Variants in C8orf74 observed in about 807,000 individuals in gnomAD.
C8orf74 encodes the protein uncharacterized protein C8orf74.
In C8orf74, 29 loss-of-function variants were observed where a neutral mutation model predicts 22.2. The observed-to-expected ratio is 1.31, with a 90% confidence interval of 0.97 to 1.78. The LOEUF (loss-of-function observed/expected upper bound fraction) is 1.78, where lower values mean the gene tolerates loss of function less well. Among genes scored for constraint, C8orf74 ranks in the 40% most tolerant of loss-of-function variants. The pLI is 0.00. For synonymous variants in C8orf74, 255 were observed against 163.1 expected (o/e 1.56, Z -4.30); for missense variants, 515 against 369.9 (o/e 1.39, Z -3.22).
chr8:10,687,701 T>G (rs2129057642), intron 2 of C8orf74, among the ~76,000 whole-genome samples: 1 of 152,322 alleles, frequency 6.6e-6, no homozygotes, highest in East Asian at 1.9e-4. Flanking sequence ...AACACTATTT[T>G]TAAATATGTT....
chr8:10,699,102 G>A (rs1799596819), intron 3 of C8orf74, among the ~76,000 whole-genome samples: 1 of 152,170 alleles, frequency 6.6e-6, no homozygotes, highest in African/African-American at 2.4e-5. Context: ...CTATGTCTCT[G>A]GCCCCCTGCA....
chr8:10,697,329 G>T (rs1385617170), intron 2 of C8orf74, among the ~76,000 whole-genome samples: 1 of 152,204 alleles, frequency 6.6e-6, no homozygotes, highest in African/African-American at 2.4e-5. Flanking sequence ...CAGCTACACA[G>T]GAGGCTGAGG....
rs535256632 is a variant in C8orf74, at chr8:10,700,282, C to G, written c.696C>G (p.Leu232=). 3.3e-5 allele frequency: 54 copies of G among 1,613,344 alleles called. No homozygotes were observed. The South Asian group carries it at 4.4e-4, about 13-fold the overall frequency. Residue 232 remains leucine, a synonymous_variant, in exon 4 of 4, where the codon CTC becomes CTG. Transcript: ENST00000304519. ...AGGCAGTCCACACCCAGATGGAGCTCCTGCAGGAGCTGCTGCAGCGCCAGA... is the reference window on the plus strand; with the variant it reads ...AGGCAGTCCACACCCAGATGGAGCTGCTGCAGGAGCTGCTGCAGCGCCAGA... The part of the protein sequence containing the change: ...ICQAVHTQME[L]LQELLQRQIQ...
At chr8:10,673,664 A>T (rs1384672381) in intron 1 of C8orf74, 1 of 153,906 alleles carries the variant, frequency 6.5e-6, no homozygotes, top group Non-Finnish European at 1.5e-5. Context: ...CCAGCATGAG[A>T]ACTCTCAGAG....
intron 2 of C8orf74, chr8:10,688,201 C>A (rs57950332): frequency 6.9e-6 from 1 of 145,590 alleles, no homozygotes. Context: ...CAAGACTCCA[C>A]CTCCAGAAAA....
At chr8:10,685,116 T>C (rs1799234846) in intron 2 of C8orf74, among the ~76,000 whole-genome samples, 1 of 152,258 alleles carries the variant, frequency 6.6e-6, no homozygotes, top group Admixed American at 6.5e-5. Flanking sequence ...TTAATCTTTT[T>C]GGACTACGGT....
intron 2 of C8orf74, among the ~76,000 whole-genome samples, chr8:10,679,551 C>T (rs1259847268): frequency 6.6e-6 from 1 of 152,328 alleles, no homozygotes; most frequent in Non-Finnish European, 1.5e-5. Flanking sequence ...CCATTCTCTC[C>T]TGTGCCCTCC....
chr8:10,676,528 A>C (rs1025900956), intron 2 of C8orf74, among the ~76,000 whole-genome samples: 1 of 152,206 alleles, frequency 6.6e-6, no homozygotes, highest in Non-Finnish European at 1.5e-5. Flanking sequence ...GAAGGCATCC[A>C]GTGCTCCCAG....
chr8:10,687,274 A>G, intron 2 of C8orf74: 1 of 367,698 alleles, frequency 2.7e-6, no homozygotes, highest in Non-Finnish European at 5.5e-6. Flanking sequence ...TTTTACAGGT[A>G]AGAACACTGC....
intron 3 of C8orf74, among the ~76,000 whole-genome samples, chr8:10,698,599 T>C (rs11996321): frequency 0.38 from 57,005 of 151,880 alleles, 14,485 homozygotes; most frequent in African/African-American, 0.73. Context: ...GCATTTCCCA[T>C]GACCAGCTCT....
At chr8:10,691,320 C>T (rs1301431259) in intron 2 of C8orf74, 1 of 217,158 alleles carries the variant, frequency 4.6e-6, no homozygotes, top group African/African-American at 2.2e-5. Flanking sequence ...TGAGCACATT[C>T]ACACTACTGA....
chr8:10,683,765 G>C (rs188573505), intron 2 of C8orf74, among the ~76,000 whole-genome samples: 1 of 152,212 alleles, frequency 6.6e-6, no homozygotes, highest in South Asian at 2.1e-4. Context: ...CAGGAATCCC[G>C]TCTTTCCGGT....
intron 1 of C8orf74, among the ~76,000 whole-genome samples, chr8:10,674,113 A>G (rs1286916615): frequency 1.5e-5 from 2 of 133,930 alleles, no homozygotes; most frequent in Admixed American, 1.6e-4. Flanking sequence ...CCCATATCAT[A>G]CCCTGCAGCC....
chr8:10,699,458 C>A (rs1172581829), intron 3 of C8orf74, among the ~76,000 whole-genome samples: 1 of 152,254 alleles, frequency 6.6e-6, no homozygotes, highest in East Asian at 1.9e-4. Flanking sequence ...TACAAGATCT[C>A]AAAGAAATGC....
intron 2 of C8orf74, among the ~76,000 whole-genome samples, chr8:10,681,062 GGCAGTC>G (rs2129056779): frequency 6.6e-6 from 1 of 151,642 alleles, no homozygotes; most frequent in South Asian, 2.1e-4. Context: ...TAACAAAGCT[GGCAGTC>G]GCAGTGAAGG....
chr8:10,673,080 G>C (rs1798951200), intron 1 of C8orf74, among the ~76,000 whole-genome samples: 1 of 152,148 alleles, frequency 6.6e-6, no homozygotes, highest in Non-Finnish European at 1.5e-5. Flanking sequence ...TTAGGCAGAA[G>C]AGTGGTGGCA....
intron 2 of C8orf74, among the ~76,000 whole-genome samples, chr8:10,676,847 C>A (rs895484400): frequency 6.6e-6 from 1 of 152,128 alleles, no homozygotes. Flanking sequence ...GTGGCCAGAA[C>A]AAACACTGAC....
intron 2 of C8orf74, among the ~76,000 whole-genome samples, chr8:10,685,074 C>T (rs1436052256): frequency 6.6e-6 from 1 of 152,212 alleles, no homozygotes; most frequent in Non-Finnish European, 1.5e-5. Context: ...ACATCTAAAA[C>T]TTATGAACTA....
intron 2 of C8orf74, among the ~76,000 whole-genome samples, chr8:10,682,159 C>A (rs1306881548): frequency 2.0e-5 from 3 of 152,150 alleles, no homozygotes; most frequent in African/African-American, 7.2e-5. Flanking sequence ...CTCCAAGGAC[C>A]CCTCCTTCCC....
Sources: gnomAD v4.1 joint callset for allele counts (sites outside exome capture counted in the v4.1 genomes callset) on GRCh38, gnomAD v4.1.1 for gene constraint, MANE v1.5 for transcripts, NCBI Gene and HGNC (gene_info 2026-07-23, HGNC 2026-07-21) for gene names.